Variants in ZFHX3 observed in about 807,000 individuals in gnomAD.
ZFHX3 encodes the protein zinc finger homeobox protein 3.
A neutral mutation model predicts 279.1 loss-of-function variants in ZFHX3; 42 were observed. The observed-to-expected ratio is 0.15, with a 90% CI of 0.12 to 0.19. The LOEUF (loss-of-function observed/expected upper bound fraction) is 0.19. ZFHX3 is among the 10% of genes least tolerant of loss of function. The pLI, the probability that ZFHX3 is intolerant of heterozygous loss-of-function variation, is 1.00. For synonymous variants in ZFHX3, 2,293 were observed against 1,957.8 expected (o/e 1.17, Z -4.52); for missense variants, 4,981 against 4,754.0 (o/e 1.05, Z -1.40).
chr16:73,182,024 A>G (rs943256314), intron 5 of ZFHX3, among the ~76,000 whole-genome samples: 1 of 152,150 alleles, frequency 6.6e-6, no homozygotes, highest in Non-Finnish European at 1.5e-5. Flanking sequence ...CCTCCAGAGG[A>G]GGGCAGCTTG....
intron 8 of ZFHX3, among the ~76,000 whole-genome samples, chr16:73,086,299 G>A (rs1271895947): frequency 6.6e-6 from 1 of 152,212 alleles, no homozygotes. Flanking sequence ...TGGAAAAGTG[G>A]AGGTTCCTCA....
intron 3 of ZFHX3, among the ~76,000 whole-genome samples, chr16:73,411,259 G>T (rs2017460555): frequency 6.6e-6 from 1 of 152,196 alleles, no homozygotes; most frequent in African/African-American, 2.4e-5. Flanking sequence ...TTGACTTCTT[G>T]TACAGTGGGA....
At chr16:73,819,159 A>T (rs1567420877) in intron 1 of ZFHX3, among the ~76,000 whole-genome samples, 1 of 151,956 alleles carries the variant, frequency 6.6e-6, no homozygotes, top group Non-Finnish European at 1.5e-5. Flanking sequence ...ATTCCCTTTT[A>T]ATAGTGTAGC....
At chr16:73,713,253 T>C (rs535654460) in intron 1 of ZFHX3, among the ~76,000 whole-genome samples, 5 of 152,322 alleles carry the variant, frequency 3.3e-5, no homozygotes, top group African/African-American at 1.2e-4. Context: ...GGAACATGCA[T>C]TCCCGTCCCA....
At chr16:72,847,362 C>T (rs2143818287) in intron 4 of ZFHX3, among the ~76,000 whole-genome samples, 1 of 152,300 alleles carries the variant, frequency 6.6e-6, no homozygotes, top group South Asian at 2.1e-4. Flanking sequence ...TGCCACCACC[C>T]TGCAGTCTCA....
intron 2 of ZFHX3, among the ~76,000 whole-genome samples, chr16:73,576,524 C>T (rs542479918): frequency 7.2e-5 from 11 of 152,022 alleles, no homozygotes; most frequent in East Asian, 1.9e-4. Flanking sequence ...GGAGGAAAAA[C>T]GAGAAATGAT....
intron 3 of ZFHX3, among the ~76,000 whole-genome samples, chr16:73,355,232 T>A (rs998069485): frequency 6.6e-6 from 1 of 152,224 alleles, no homozygotes; most frequent in Non-Finnish European, 1.5e-5. Context: ...TAGGACACAC[T>A]CTTTTCTGCC....
intron 1 of ZFHX3, among the ~76,000 whole-genome samples, chr16:73,712,242 C>T (rs1411214450): frequency 5.3e-5 from 8 of 152,284 alleles, no homozygotes; most frequent in Middle Eastern, 3.4e-3. Context: ...AACGAAGGCC[C>T]GTGCCTGGGC....
chr16:73,222,001 T>TAA (rs1047719964), intron 5 of ZFHX3, among the ~76,000 whole-genome samples: 3 of 152,130 alleles, frequency 2.0e-5, no homozygotes, highest in Non-Finnish European at 1.5e-5. Context: ...ACATTTAGGT[T>TAA]ATTTAAAAAT....
intron 3 of ZFHX3, among the ~76,000 whole-genome samples, chr16:73,342,955 G>C (rs2016061357): frequency 1.3e-5 from 2 of 152,092 alleles, no homozygotes; most frequent in African/African-American, 2.4e-5. Flanking sequence ...GGTACCCTCA[G>C]TCTAAATACT....
At chr16:73,057,821 C>T (rs894213072) in intron 1 of ZFHX3, among the ~76,000 whole-genome samples, 1 of 150,688 alleles carries the variant, frequency 6.6e-6, no homozygotes, top group African/African-American at 2.4e-5. Flanking sequence ...CCCGCGTCGC[C>T]GGCAAGTCGA....
intron 1 of ZFHX3, among the ~76,000 whole-genome samples, chr16:73,019,018 C>T (rs1964202221): frequency 6.6e-6 from 1 of 152,180 alleles, no homozygotes; most frequent in African/African-American, 2.4e-5. Flanking sequence ...TCACATCCCT[C>T]GATGCATCAT....
At chr16:73,319,084 C>T (rs2015516959) in intron 3 of ZFHX3, among the ~76,000 whole-genome samples, 1 of 125,528 alleles carries the variant, frequency 8.0e-6, no homozygotes, top group South Asian at 2.6e-4. Context: ...GGGTGAGGTG[C>T]TGAGGGGAGG....
intron 3 of ZFHX3, among the ~76,000 whole-genome samples, chr16:73,429,216 T>C (rs1207682451): frequency 6.6e-6 from 1 of 152,078 alleles, no homozygotes; most frequent in African/African-American, 2.4e-5. Flanking sequence ...GAGAGCAAAG[T>C]AGGTAAAGTA....
intron 1 of ZFHX3, among the ~76,000 whole-genome samples, chr16:73,806,968 G>C (rs1238363753): frequency 6.6e-6 from 1 of 152,176 alleles, no homozygotes; most frequent in Non-Finnish European, 1.5e-5. Context: ...CACGTGATGA[G>C]GTGAGGAGGA....
At chr16:72,861,928 T>C (rs2037900862) in intron 4 of ZFHX3, among the ~76,000 whole-genome samples, 1 of 152,078 alleles carries the variant, frequency 6.6e-6, no homozygotes, top group Non-Finnish European at 1.5e-5. Flanking sequence ...GGCACGAGAA[T>C]TGCTTGAACC....
intron 2 of ZFHX3, among the ~76,000 whole-genome samples, chr16:73,644,956 T>C (rs557675225): frequency 2.0e-5 from 3 of 152,166 alleles, no homozygotes; most frequent in Non-Finnish European, 4.4e-5. Context: ...ACCTATCTGA[T>C]GAAGAAATGA....
chr16:73,402,202 T>C (rs1267977089), intron 3 of ZFHX3: 3 of 152,256 alleles, frequency 2.0e-5, no homozygotes, highest in Admixed American at 2.0e-4. Context: ...CTACCTTTTC[T>C]TGATCACACC....
At chr16:73,745,416 G>A (rs1268916090) in intron 1 of ZFHX3, among the ~76,000 whole-genome samples, 1 of 152,162 alleles carries the variant, frequency 6.6e-6, no homozygotes, top group Non-Finnish European at 1.5e-5. Context: ...CCTACAAGGA[G>A]CAGGGCATAG....
Sources: gnomAD v4.1 joint callset for allele counts (sites outside exome capture counted in the v4.1 genomes callset) on GRCh38, gnomAD v4.1.1 for gene constraint, MANE v1.5 for transcripts, NCBI Gene and HGNC (gene_info 2026-07-23, HGNC 2026-07-21) for gene names.